MGAT4D: variants seen among roughly 807,000 people sequenced by gnomAD.
MGAT4D encodes alpha-1,3-mannosyl-glycoprotein 4-beta-N-acetylglucosaminyltransferase-like protein MGAT4D.
MGAT4D carries 34 observed loss-of-function variants against 15.9 expected under a neutral mutation model. That is an observed-to-expected ratio of 2.14 (90% CI 1.62 to 2.84). The LOEUF (loss-of-function observed/expected upper bound fraction) is 2.84. Among genes scored for constraint, MGAT4D ranks in the 30% most tolerant of loss-of-function variants. The pLI, the probability that MGAT4D is intolerant of heterozygous loss-of-function variation, is 0.00. For missense variants in MGAT4D, 327 were observed against 140.2 expected, an observed-to-expected ratio of 2.33 and a Z score of -6.73; for synonymous variants, 112 against 48.2, an observed-to-expected ratio of 2.33 and a Z score of -5.49.
At position 140,456,720 on chromosome 4, in the gene MGAT4D, C is replaced by T. The variant is rs1243881629; in HGVS notation, c.878-1G>A. The T allele has an allele frequency of 3.1e-6, 2 of 646,446 alleles. No homozygotes were observed. Among genetic ancestry groups the T allele is most frequent in the Admixed American group, 5.0e-5 (2 of 40,234 alleles). The allele number at this position is 646,446 out of a possible 1,614,324, so 40.0% of individuals were successfully genotyped here. On this transcript the variant is annotated splice_acceptor_variant, in intron 8 of 10. Transcript: ENST00000511113. LOFTEE classifies it high-confidence loss of function. ...AAGTCCTCAGATCTAAACAGCTTTC[C>T]TATGGAAAAAAATACAATTAGATGC... is the stretch of plus-strand genomic sequence containing the variant.
chr4:140,474,769 C>A, intron 4 of MGAT4D, 44 bp downstream of exon 4: 1 of 558,670 alleles, frequency 1.8e-6, no homozygotes, highest in Non-Finnish European at 3.2e-6. Flanking sequence ...AATTTGGAGA[C>A]CATAGGGTGA....
chr4:140,493,906 G>A (rs1228147999), intron 1 of MGAT4D, among the ~76,000 whole-genome samples: 18 of 152,188 alleles, frequency 1.2e-4, no homozygotes, highest in Non-Finnish European at 2.9e-5. Context: ...CTTTGCTGGG[G>A]TGTCAGACAT....
At chr4:140,467,427 A>T (rs1578671202) in intron 5 of MGAT4D, among the ~76,000 whole-genome samples, 1 of 152,154 alleles carries the variant, frequency 6.6e-6, no homozygotes, top group Admixed American at 6.5e-5. Context: ...AAAAGTTTAG[A>T]TTACAGAGAT....
At chr4:140,448,274 G>A (rs1730259153) in intron 10 of MGAT4D, among the ~76,000 whole-genome samples, 1 of 152,126 alleles carries the variant, frequency 6.6e-6, no homozygotes, top group Admixed American at 6.6e-5. Flanking sequence ...AAGCTTTCAT[G>A]GACAATATAC....
chr4:140,473,832 G>T (rs1732135999), intron 4 of MGAT4D, among the ~76,000 whole-genome samples: 1 of 151,714 alleles, frequency 6.6e-6, no homozygotes, highest in Admixed American at 6.6e-5. Flanking sequence ...CCAAGTAGCT[G>T]GGACTACAGG....
At chr4:140,447,822 G>C (rs1399777359) in intron 10 of MGAT4D, among the ~76,000 whole-genome samples, 1 of 152,198 alleles carries the variant, frequency 6.6e-6, no homozygotes, top group African/African-American at 2.4e-5. Context: ...ACTTAAATGT[G>C]TTTTTGCATT....
intron 9 of MGAT4D, 136 bp from the exon 10 acceptor site, chr4:140,451,653 T>G: frequency 2.6e-6 from 1 of 381,770 alleles, no homozygotes; most frequent in South Asian, 1.1e-4. Flanking sequence ...ACAAAATATT[T>G]AATTCTTAGC....
intron 10 of MGAT4D, among the ~76,000 whole-genome samples, chr4:140,445,038 C>T (rs147021679): frequency 0.022 from 3,074 of 141,818 alleles, 42 homozygotes; most frequent in Middle Eastern, 0.064. Context: ...CGTGCCACCA[C>T]GCCCAGCTAA....
At chr4:140,482,647 A>G (rs1056799150) in intron 1 of MGAT4D, among the ~76,000 whole-genome samples, 162 bp from the exon 2 acceptor site, 2 of 152,012 alleles carry the variant, frequency 1.3e-5, no homozygotes, top group Non-Finnish European at 2.9e-5. Context: ...TATAGTATAT[A>G]CCACATGTGT....
At chr4:140,451,563 C>T (rs1308835145) in intron 9 of MGAT4D, 46 bp from the exon 10 acceptor site, 2 of 489,708 alleles carry the variant, frequency 4.1e-6, no homozygotes, top group South Asian at 3.6e-5. Flanking sequence ...CCAGGTATTG[C>T]TTTGTATTGC....
At chr4:140,463,956 G>C (rs1731362012) in intron 6 of MGAT4D, among the ~76,000 whole-genome samples, 2 of 152,184 alleles carry the variant, frequency 1.3e-5, no homozygotes, top group Non-Finnish European at 2.9e-5. Context: ...AATGGTGAAG[G>C]CCTGAACTAA....
chr4:140,482,527 G>A (rs1412576461), intron 1 of MGAT4D, 42 bp from the exon 2 acceptor site: 6 of 556,612 alleles, frequency 1.1e-5, no homozygotes, highest in Admixed American at 3.6e-5. Flanking sequence ...ATGTAGCAAT[G>A]GTGTCACACA....
At position 140,456,657 on chromosome 4, in the gene MGAT4D, CT is replaced by C; in HGVS notation, c.939del (p.Glu314ArgfsTer4). On this transcript the variant is annotated frameshift_variant, in exon 9 of 11. Transcript: ENST00000511113. LOFTEE classifies it high-confidence loss of function. The part of the protein sequence containing the change: ...HFVRFFLMFY[K>X]EKPIDWLLND... The stretch of plus-strand genomic sequence containing the variant: ...TTCAAGAGCCAGTCTATGGGTTTCT[CT>C]TTGTAGAACATTAAAAAAAACCGTA... 1 of 698,290 alleles carries C rather than the reference CT, an allele frequency of 1.4e-6. No individual in the cohort carries two copies. Among genetic ancestry groups the C allele is most frequent in the Non-Finnish European group, 2.6e-6 (1 of 382,686 alleles). The allele number at this position is 698,290 out of a possible 1,614,324, so 43.3% of individuals were successfully genotyped here.
intron 3 of MGAT4D, among the ~76,000 whole-genome samples, chr4:140,476,443 T>C (rs919859669): frequency 3.3e-5 from 5 of 152,234 alleles, no homozygotes; most frequent in African/African-American, 1.2e-4. Flanking sequence ...AGTGATTTTC[T>C]AATAGTTTAT....
intron 1 of MGAT4D, among the ~76,000 whole-genome samples, chr4:140,492,986 A>T (rs765685135): frequency 7.2e-5 from 11 of 152,168 alleles, no homozygotes; most frequent in Non-Finnish European, 1.6e-4. Context: ...TCAAAAATAC[A>T]TTCTTATTGT....
At chr4:140,484,154 A>G (rs1379128552) in intron 1 of MGAT4D, among the ~76,000 whole-genome samples, 2 of 152,202 alleles carry the variant, frequency 1.3e-5, no homozygotes, top group East Asian at 1.9e-4. Context: ...TTTGCAAACC[A>G]TACATCTGAA....
chr4:140,497,218 T>G (rs970355399), intron 1 of MGAT4D, among the ~76,000 whole-genome samples: 1 of 152,118 alleles, frequency 6.6e-6, no homozygotes, highest in Non-Finnish European at 1.5e-5. Flanking sequence ...AAAATTTAAC[T>G]GAAAACAACG....
chr4:140,461,309 T>C (rs895864182), intron 7 of MGAT4D, among the ~76,000 whole-genome samples: 5 of 152,184 alleles, frequency 3.3e-5, no homozygotes, highest in African/African-American at 1.2e-4. Flanking sequence ...TTTCTCTAAC[T>C]TTCTCTCTAG....
chr4:140,472,096 T>C (rs1046679726), intron 4 of MGAT4D, among the ~76,000 whole-genome samples: 45 of 152,078 alleles, frequency 3.0e-4, no homozygotes, highest in Non-Finnish European at 5.1e-4. Flanking sequence ...TTTTTAGATA[T>C]ATAAGATTAC....
Sources: gnomAD v4.1 joint callset for allele counts (sites outside exome capture counted in the v4.1 genomes callset) on GRCh38, gnomAD v4.1.1 for gene constraint, MANE v1.5 for transcripts, NCBI Gene and HGNC (gene_info 2026-07-23, HGNC 2026-07-21) for gene names.